SZT2: variants seen among roughly 807,000 people sequenced by gnomAD.
SZT2 encodes SZT2 subunit of KICSTOR complex, also known as KICSTOR complex protein SZT2.
SZT2 carries 216 observed loss-of-function variants against 404.2 expected under a neutral mutation model. The ratio of observed to expected loss-of-function variants is 0.53; its 90% CI spans 0.48 to 0.60. The LOEUF (loss-of-function observed/expected upper bound fraction) is 0.60, where lower values mean the gene tolerates loss of function less well. Among genes scored for constraint, SZT2 ranks in the 20% least tolerant of loss-of-function variants. The probability of loss-of-function intolerance (pLI) is 0.00; values close to 1 mark genes in which losing one functional copy is unlikely to be tolerated. For missense variants in SZT2, 3,857 were observed against 4,459.2 expected, an observed-to-expected ratio of 0.86 and a Z score of 3.85; for synonymous variants, 1,693 against 1,749.9, an observed-to-expected ratio of 0.97 and a Z score of 0.81.
Position 43,435,032 on chromosome 1 carries a change from C to T in SZT2, c.5905-168C>T, listed in dbSNP as rs1301331986. 3.3e-5 allele frequency among the ~76,000 whole-genome samples: 5 copies of T among 152,326 alleles called. No individual in the cohort carries two copies. The East Asian group carries it at 7.7e-4, about 23-fold the overall frequency. On this transcript the variant is annotated intron_variant, in intron 41 of 71. Coordinates refer to ENST00000634258, the MANE Select transcript of SZT2 (RefSeq NM_001365999.1). ...GGGGCAAGTGTTCCTGACTGAGAAT[C>T]ACTCTCAGAGGCCTGAGCTTTGACC...
At position 43,420,469 on chromosome 1, in the gene SZT2, A is replaced by G. The variant is rs555538626; in HGVS notation, c.1261+146A>G. 7 of 1,168,242 alleles carry G rather than the reference A, an allele frequency of 6.0e-6. No homozygotes were observed. Among genetic ancestry groups the G allele is most frequent in the Non-Finnish European group, 8.2e-6 (7 of 855,106 alleles). 72.4% of individuals were successfully genotyped at this position (1,168,242 alleles called of 1,614,324 possible). A position where few individuals can be genotyped will look rare whatever the true frequency, so the allele number is the denominator to read the frequency against. ...GGGTTTTGAATTGTCATCAGGGCTTAATTCTCTTAGCATGGAGCTTCCCAA... is the reference window on the plus strand; with the variant it reads ...GGGTTTTGAATTGTCATCAGGGCTTGATTCTCTTAGCATGGAGCTTCCCAA... On this transcript the variant is annotated intron_variant, in intron 9 of 71. Transcript: ENST00000634258. This position sits in a 1 kb window ranked among gnomAD's most constrained non-coding sequence, Gnocchi z 5.1.
At chr1:43,440,733 G>A (rs1037245041) in intron 52 of SZT2, 147 bp downstream of exon 52, 24 of 1,154,802 alleles carry the variant, frequency 2.1e-5, no homozygotes, top group East Asian at 5.7e-5. Flanking sequence ...ACACCATGGC[G>A]TGTACCTTTA....
At chr1:43,396,141 TA>T (rs763880034) in intron 1 of SZT2, among the ~76,000 whole-genome samples, 4 of 152,234 alleles carry the variant, frequency 2.6e-5, no homozygotes, top group Non-Finnish European at 5.9e-5. Context: ...ATTTGAGTAT[TA>T]TGTTCCATTC....
intron 15 of SZT2, among the ~76,000 whole-genome samples, 154 bp downstream of exon 15, chr1:43,423,470 T>A (rs1159166416): frequency 8.6e-6 from 1 of 116,370 alleles, no homozygotes; most frequent in Non-Finnish European, 1.9e-5. Flanking sequence ...AGGGTGTGGC[T>A]TAGCGGGGTG....
rs1228514645 is a variant in SZT2 at position 43,450,481 on chromosome 1, G to A, written c.*1G>A. On this transcript the variant is annotated 3_prime_UTR_variant, in exon 72 of 72. Transcript: ENST00000634258. This position sits in a 1 kb window ranked among gnomAD's most constrained non-coding sequence, Gnocchi z 4.3. ...CACCCTCTGGACCCGCCTCCTCTGAGGGAGTGGACTGGACCACTGAATGTC... is the reference window on the plus strand; with the variant it reads ...CACCCTCTGGACCCGCCTCCTCTGAAGGAGTGGACTGGACCACTGAATGTC... 1.2e-6 allele frequency: 2 copies of A among 1,614,082 alleles called. No homozygotes were observed. The highest frequency in any genetic ancestry group is 1.7e-5 in the Admixed American group (1 of 60,018).
At position 43,420,635 on chromosome 1, in the gene SZT2, G is replaced by T; in HGVS notation, c.1262-114G>T. On this transcript the variant is annotated intron_variant, in intron 9 of 71. Transcript: ENST00000634258. This position sits in a 1 kb window ranked among gnomAD's most constrained non-coding sequence, Gnocchi z 5.1. Reference sequence around the variant, plus strand: ...GCCTGAAACCTGTGGAACCATGCTTGGAACCTTTGGCAGGACTGGGTTCCA... The same window carrying T: ...GCCTGAAACCTGTGGAACCATGCTTTGAACCTTTGGCAGGACTGGGTTCCA... 1 of 1,070,252 alleles carries T rather than the reference G, an allele frequency of 9.3e-7. No individual in the cohort carries two copies. The highest frequency in any genetic ancestry group is 1.3e-6 in the Non-Finnish European group (1 of 749,266). The allele number at this position is 1,070,252 out of a possible 1,614,324, so 66.3% of individuals were successfully genotyped here. A position where few individuals can be genotyped will look rare whatever the true frequency, so the allele number is the denominator to read the frequency against.
rs552819048 is a variant in SZT2, at chr1:43,418,686, T to C, written c.880-1048T>C. ...GTAGTTGGGGTTTCGAAGAAGCAGA[T>C]GAGAGTGAAGAGGGCCAGGGATTTG... On this transcript the variant is annotated intron_variant, in intron 7 of 71. Coordinates refer to ENST00000634258, the MANE Select transcript of SZT2 (RefSeq NM_001365999.1). Among the ~76,000 whole-genome samples, 12 of 152,278 alleles carry C rather than the reference T, an allele frequency of 7.9e-5. No individual in the cohort carries two copies. In the South Asian group the frequency reaches 1.9e-3, roughly 24 times the overall value.
chr1:43,425,623 A>G lies in SZT2; in HGVS notation c.2795A>G (p.Tyr932Cys), dbSNP rs368630120. 8 of 1,613,962 alleles carry G rather than the reference A, an allele frequency of 5.0e-6. No homozygotes were observed. Among genetic ancestry groups the G allele is most frequent in the African/African-American group, 1.3e-5 (1 of 74,930 alleles). Residue 932 changes from tyrosine (Y) to cysteine (C), a missense_variant, in exon 19 of 72, where the codon TAT becomes TGT. Physicochemically the swap from Tyr to Cys is radical, Grantham distance 194. Coordinates refer to ENST00000634258, the MANE Select transcript of SZT2 (RefSeq NM_001365999.1). The surrounding 1 kb of genome is among the most constrained non-coding windows in gnomAD (Gnocchi z 4.3). ...GIWKHLQDLTYSEIPQALHPR... is the reference protein window; with the variant it reads ...GIWKHLQDLTCSEIPQALHPR... ...TGGAAGCACCTCCAGGACCTGACGT[A>G]TTCTGAGATCCCGCAAGCTGTGAGT...
Position 43,447,867 on chromosome 1 carries a change from C to T in SZT2, c.9459C>T (p.Asp3153=), listed in dbSNP as rs1044919591. ...TGCACAGTTCTGGCTCCTACCTGGA[C>T]TCTGAGGGACTTCGACACCAGGATG... ...SAWHSSGSYL[D]SEGLRHQDDF... The change falls in exon 68 of 72, where the codon GAC becomes GAT. Residue 3153 remains aspartate (D), a synonymous_variant. Transcript: ENST00000634258. 4.0e-5 allele frequency: 65 copies of T among 1,614,012 alleles called. No individual in the cohort carries two copies. The highest frequency in any genetic ancestry group is 5.3e-5 in the Non-Finnish European group (62 of 1,180,030).
chr1:43,402,955 C>T (rs1249508366), intron 1 of SZT2, among the ~76,000 whole-genome samples: 2 of 152,118 alleles, frequency 1.3e-5, no homozygotes, highest in East Asian at 1.9e-4. Context: ...GGAAAGGTCA[C>T]TTCATCTATA....
chr1:43,418,108 A>C (rs570508654), intron 7 of SZT2, among the ~76,000 whole-genome samples: 1 of 152,266 alleles, frequency 6.6e-6, no homozygotes, highest in African/African-American at 2.4e-5. Context: ...TTTAGTGAAG[A>C]GGTGGTGAGG....
Position 43,439,543 on chromosome 1 carries a change from G to A in SZT2, c.6878-62G>A. 1 of 1,606,968 alleles carries A rather than the reference G, an allele frequency of 6.2e-7. No homozygotes were observed. The highest frequency in any genetic ancestry group is 8.5e-7 in the Non-Finnish European group (1 of 1,176,228). On this transcript the variant is annotated intron_variant, in intron 49 of 71. Transcript: ENST00000634258. This position sits in a 1 kb window ranked among gnomAD's most constrained non-coding sequence, Gnocchi z 4.2. Reference sequence around the variant, plus strand: ...TTTCCCAGGCTTGCAGCTGAGTGGAGGGTCGTGGGAGGGGTGGTCTGCAAG... The same window carrying A: ...TTTCCCAGGCTTGCAGCTGAGTGGAAGGTCGTGGGAGGGGTGGTCTGCAAG...
At chr1:43,401,686 A>G (rs1052417677) in intron 1 of SZT2, among the ~76,000 whole-genome samples, 7 of 151,980 alleles carry the variant, frequency 4.6e-5, no homozygotes, top group African/African-American at 7.3e-5. Flanking sequence ...GGGTTTCACC[A>G]TGTTGGCCAG....
chr1:43,437,915 G>C lies in SZT2; in HGVS notation c.6508+13G>C. On this transcript the variant is annotated intron_variant, in intron 46 of 71. Coordinates refer to ENST00000634258, the MANE Select transcript of SZT2 (RefSeq NM_001365999.1). The surrounding 1 kb of genome is among the most constrained non-coding windows in gnomAD (Gnocchi z 5.3). ...GTTGGGCAGGCAGGTAAGGTCTGAG[G>C]AGGGGGTAGGGGAGTCGCCACATGA... is the stretch of plus-strand genomic sequence containing the variant. 1.2e-6 allele frequency: 2 copies of C among 1,613,950 alleles called. No individual in the cohort carries two copies. Among genetic ancestry groups the C allele is most frequent in the Non-Finnish European group, 1.7e-6 (2 of 1,179,878 alleles).
At chr1:43,432,915 C>T (rs1654065492) in intron 39 of SZT2, 74 bp from the exon 40 acceptor site, 4 of 1,594,276 alleles carry the variant, frequency 2.5e-6, no homozygotes, top group Admixed American at 3.3e-5. Context: ...GTGCATCAAG[C>T]CAGATGCACC....
In SZT2 at chr1:43,420,962, G is replaced by T; in HGVS notation, c.1475G>T (p.Arg492Leu). Reference sequence around the variant, plus strand: ...TTGTATCGTACCCATGTTATCCGGCGTTTCTGGAACACGCTGCAGAGGTCA... The same window carrying T: ...TTGTATCGTACCCATGTTATCCGGCTTTTCTGGAACACGCTGCAGAGGTCA... ...RSLYRTHVIR[R>L]FWNTLQSINQ... Residue 492 changes from arginine (R) to leucine (L), a missense_variant, in exon 10 of 72, where the codon CGT becomes CTT. By Grantham distance (102) the Arg-to-Leu change is moderately radical (BLOSUM62 -2). Transcript: ENST00000634258. The surrounding 1 kb of genome is among the most constrained non-coding windows in gnomAD (Gnocchi z 5.1). The T allele has an allele frequency of 6.3e-7, 1 of 1,598,426 alleles. No homozygotes were observed. Among genetic ancestry groups the T allele is most frequent in the Non-Finnish European group, 8.5e-7 (1 of 1,179,814 alleles).
chr1:43,394,281 T>C (rs1648738936), intron 1 of SZT2, among the ~76,000 whole-genome samples: 1 of 149,674 alleles, frequency 6.7e-6, no homozygotes, highest in Non-Finnish European at 1.5e-5. Context: ...TGATCTTGGC[T>C]CACTGCAACC....
intron 62 of SZT2, 113 bp from the exon 63 acceptor site, chr1:43,445,781 G>A (rs1655588179): frequency 9.6e-7 from 1 of 1,045,806 alleles, no homozygotes; most frequent in Non-Finnish European, 1.5e-6. Context: ...AGCTTTGTGG[G>A]TCTGTTTCCT....
Position 43,451,871 on chromosome 1 carries a change from AC to A in SZT2, c.*1393del. The A allele has an allele frequency of 6.2e-7, 1 of 1,613,976 alleles. No individual in the cohort carries two copies. Among genetic ancestry groups the A allele is most frequent in the African/African-American group, 1.3e-5 (1 of 74,974 alleles). On this transcript the variant is annotated 3_prime_UTR_variant, in exon 72 of 72. Transcript: ENST00000634258. The stretch of plus-strand genomic sequence containing the variant: ...CGCTGTAAGAGAAGCCAGGGAGGGG[AC>A]CGTGAGCCTCAAGAGCACAGGAATC...
Sources: gnomAD v4.1 joint callset for allele counts (sites outside exome capture counted in the v4.1 genomes callset) on GRCh38, gnomAD v4.1.1 for gene constraint, Gnocchi (gnomAD v3.1) non-coding constraint, MANE v1.5 for transcripts, NCBI Gene and HGNC (gene_info 2026-07-23, HGNC 2026-07-21) for gene names.